CTNNA2: variants seen among roughly 807,000 people sequenced by gnomAD.
CTNNA2 encodes catenin alpha-2.
Under a neutral mutation model 101.0 loss-of-function variants are expected in CTNNA2, and 42 were observed. The ratio of observed to expected loss-of-function variants is 0.42; its 90% CI spans 0.32 to 0.54. CTNNA2 has a LOEUF of 0.54. CTNNA2 is among the 20% of genes least tolerant of loss of function. CTNNA2 has a pLI of 0.14. For missense variants in CTNNA2, 871 were observed against 1,223.1 expected (o/e 0.71, Z 4.29); for synonymous variants, 450 against 456.4 (o/e 0.99, Z 0.18).
At chr2:79,401,118 C>G (rs1488008447) in intron 4 of CTNNA2, among the ~76,000 whole-genome samples, 1 of 151,640 alleles carries the variant, frequency 6.6e-6, no homozygotes, top group Non-Finnish European at 1.5e-5. Context: ...TGAAAGGTCA[C>G]TAAACAGTAA....
intron 9 of CTNNA2, among the ~76,000 whole-genome samples, chr2:80,526,077 G>A (rs974486449): frequency 2.7e-4 from 41 of 152,320 alleles, no homozygotes; most frequent in African/African-American, 8.4e-4. Context: ...CAATAAATGA[G>A]CATCATATAG....
At chr2:79,248,595 T>C (rs946627754) in intron 2 of CTNNA2, among the ~76,000 whole-genome samples, 20 of 152,118 alleles carry the variant, frequency 1.3e-4, no homozygotes, top group African/African-American at 4.6e-4. Context: ...TGCCCCGTAG[T>C]CTGTGCTTAA....
chr2:79,200,049 G>GAGAA (rs1357000498), intron 2 of CTNNA2, among the ~76,000 whole-genome samples: 1 of 151,730 alleles, frequency 6.6e-6, no homozygotes, highest in Non-Finnish European at 1.5e-5. Flanking sequence ...GAGAGAGAGA[G>GAGAA]AGACCACTCT....
chr2:79,249,958 C>G (rs1221714174), intron 2 of CTNNA2, among the ~76,000 whole-genome samples: 1 of 152,148 alleles, frequency 6.6e-6, no homozygotes, highest in East Asian at 1.9e-4. Context: ...CTGCATCTGC[C>G]TGACTCCTGA....
At chr2:79,403,831 AT>A (rs1272374674) in intron 4 of CTNNA2, among the ~76,000 whole-genome samples, 1 of 152,032 alleles carries the variant, frequency 6.6e-6, no homozygotes, top group African/African-American at 2.4e-5. Flanking sequence ...TGGGGGTGTA[AT>A]TAACATAGTT....
chr2:80,552,143 A>G (rs1157081407), intron 11 of CTNNA2, among the ~76,000 whole-genome samples: 2 of 152,334 alleles, frequency 1.3e-5, no homozygotes, highest in East Asian at 1.9e-4. Context: ...GCCCCAAAAC[A>G]ATTGCAATAG....
intron 7 of CTNNA2, among the ~76,000 whole-genome samples, chr2:80,316,984 G>C (rs1367472666): frequency 1.3e-5 from 2 of 152,132 alleles, no homozygotes; most frequent in East Asian, 1.9e-4. Context: ...GGTAGGCAAG[G>C]CTTCCTTGAG....
At chr2:79,768,910 A>T (rs1008494654) in intron 3 of CTNNA2, among the ~76,000 whole-genome samples, 2 of 152,108 alleles carry the variant, frequency 1.3e-5, no homozygotes, top group Non-Finnish European at 1.5e-5. Context: ...GCTGGAGTGC[A>T]GTGGCGCCAT....
At chr2:79,341,343 C>CT (rs1245565083) in intron 3 of CTNNA2, among the ~76,000 whole-genome samples, 2 of 152,126 alleles carry the variant, frequency 1.3e-5, no homozygotes, top group Admixed American at 6.6e-5. Context: ...TTTTTCATGC[C>CT]TGTAAAATTC....
intron 2 of CTNNA2, among the ~76,000 whole-genome samples, chr2:79,259,317 A>G (rs894744895): frequency 1.3e-5 from 2 of 152,106 alleles, no homozygotes; most frequent in African/African-American, 2.4e-5. Context: ...TACTTCCTCA[A>G]CTTCCAAATA....
chr2:79,653,626 G>A (rs957403909), intron 2 of CTNNA2, among the ~76,000 whole-genome samples: 3 of 152,102 alleles, frequency 2.0e-5, no homozygotes, highest in Non-Finnish European at 2.9e-5. Context: ...TTCTCTTCAA[G>A]TATGCTTTCT....
rs183079360 is a variant in CTNNA2, at chr2:80,595,686, G to A, written c.2189+6201G>A. Among the ~76,000 whole-genome samples the A allele has an allele frequency of 1.4e-3, 218 of 152,176 alleles. 1 individual carries two copies. The highest frequency in any genetic ancestry group is 4.9e-3 in the African/African-American group (203 of 41,534). On this transcript the variant is annotated intron_variant, in intron 15 of 18. Transcript: ENST00000402739. ...TTTTTAAAGCTAAAAACCTGTGGTG[G>A]TATTTCTGAGGTCTCTGTTATGTTC...
At chr2:79,964,405 G>T (rs1361263800) in intron 7 of CTNNA2, among the ~76,000 whole-genome samples, 1 of 151,106 alleles carries the variant, frequency 6.6e-6, no homozygotes, top group Non-Finnish European at 1.5e-5. Flanking sequence ...TCAAATATGG[G>T]TTTGGAAAAA....
intron 7 of CTNNA2, among the ~76,000 whole-genome samples, chr2:79,972,896 A>T (rs1690584776): frequency 6.6e-6 from 1 of 152,130 alleles, no homozygotes; most frequent in African/African-American, 2.4e-5. Flanking sequence ...TAATTTTCAT[A>T]TCTTTGGAAA....
At chr2:80,260,722 C>A (rs1487056550) in intron 7 of CTNNA2, among the ~76,000 whole-genome samples, 1 of 152,138 alleles carries the variant, frequency 6.6e-6, no homozygotes, top group Non-Finnish European at 1.5e-5. Context: ...TGTAAAATAG[C>A]AAAGAGCAGA....
At chr2:79,278,601 G>A (rs1043119456) in intron 2 of CTNNA2, among the ~76,000 whole-genome samples, 1 of 152,082 alleles carries the variant, frequency 6.6e-6, no homozygotes, top group African/African-American at 2.4e-5. Flanking sequence ...CGTTGTACTT[G>A]TTTGGAGACA....
intron 7 of CTNNA2, among the ~76,000 whole-genome samples, chr2:80,225,069 C>A (rs1212423331): frequency 6.6e-6 from 1 of 152,026 alleles, no homozygotes; most frequent in Non-Finnish European, 1.5e-5. Context: ...CTTAAGGGGG[C>A]CACACAATAA....
chr2:80,532,908 A>G lies in CTNNA2; in HGVS notation c.1291-12074A>G, dbSNP rs116208957. The stretch of plus-strand genomic sequence containing the variant: ...TAAGAAAGAGCTGTACCCCAGAGGT[A>G]AGGGCAGATGGGAGCAGGAGGTAAG... On this transcript the variant is annotated intron_variant, in intron 9 of 18. Transcript: ENST00000402739. Among the ~76,000 whole-genome samples, 708 of 152,278 alleles carry G rather than the reference A, an allele frequency of 4.6e-3. 5 individuals are homozygous for G. Among genetic ancestry groups the G allele is most frequent in the African/African-American group, 0.015 (623 of 41,576 alleles).
intron 9 of CTNNA2, among the ~76,000 whole-genome samples, chr2:80,495,528 A>C (rs780425831): frequency 3.3e-5 from 5 of 152,224 alleles, no homozygotes; most frequent in Non-Finnish European, 5.9e-5. Context: ...ATTAACCCCC[A>C]GTACCTCATA....
Sources: gnomAD v4.1 joint callset for allele counts (sites outside exome capture counted in the v4.1 genomes callset) on GRCh38, gnomAD v4.1.1 for gene constraint, MANE v1.5 for transcripts, NCBI Gene and HGNC (gene_info 2026-07-23, HGNC 2026-07-21) for gene names.